The following SEZ6L variants were observed in gnomAD, a reference collection of about 807,000 sequenced individuals.
The protein encoded by SEZ6L is seizure 6-like protein.
Under a neutral mutation model 106.2 loss-of-function variants are expected in SEZ6L, and 37 were observed. The observed-to-expected ratio is 0.35, with a 90% CI of 0.27 to 0.46. The LOEUF (loss-of-function observed/expected upper bound fraction) is 0.46. Among genes scored for constraint, SEZ6L ranks in the 20% least tolerant of loss-of-function variants. The pLI is 1.00. For synonymous variants in SEZ6L, 541 were observed against 570.4 expected (o/e 0.95, Z 0.73); for missense variants, 1,172 against 1,332.8 (o/e 0.88, Z 1.88).
Position 26,240,092 on chromosome 22 carries a change from TCACA to T in SEZ6L, c.95-52288_95-52285del, listed in dbSNP as rs1556193806. 2.5e-3 allele frequency among the ~76,000 whole-genome samples: 286 copies of T among 116,188 alleles called. 2 individuals are homozygous for T. The highest frequency in any genetic ancestry group is 7.3e-3 in the African/African-American group (194 of 26,454). The allele number at this position is 116,188 out of a possible 152,430, so 76.2% of individuals were successfully genotyped here. ...GACACACACACACACACACACACAC[TCACA>T]CACACACACACACACACACACACAC... is the stretch of plus-strand genomic sequence containing the variant. On this transcript the variant is annotated intron_variant, in intron 1 of 16. Transcript: ENST00000248933.
At chr22:26,248,591 G>T (rs965716192) in intron 1 of SEZ6L, among the ~76,000 whole-genome samples, 2 of 152,170 alleles carry the variant, frequency 1.3e-5, no homozygotes, top group Admixed American at 6.5e-5. Flanking sequence ...CTGGCACAAG[G>T]TTGCCCAGCC....
intron 9 of SEZ6L, among the ~76,000 whole-genome samples, chr22:26,328,210 G>T (rs2082379187): frequency 1.3e-5 from 2 of 152,336 alleles, no homozygotes; most frequent in Admixed American, 6.5e-5. Flanking sequence ...AGGTCAGAAA[G>T]GTGGCAGCAT....
chr22:26,265,941 A>G (rs988329566), intron 1 of SEZ6L, among the ~76,000 whole-genome samples: 1 of 152,200 alleles, frequency 6.6e-6, no homozygotes, highest in African/African-American at 2.4e-5. Context: ...AGGAGCTCCC[A>G]GTCTGATGGG....
intron 13 of SEZ6L, among the ~76,000 whole-genome samples, chr22:26,365,857 C>T (rs534083339): frequency 2.6e-5 from 4 of 151,832 alleles, no homozygotes; most frequent in South Asian, 4.2e-4. Context: ...CCGGACAGAA[C>T]GAGACTCTAT....
At chr22:26,271,518 G>T (rs992922287) in intron 1 of SEZ6L, among the ~76,000 whole-genome samples, 3 of 152,144 alleles carry the variant, frequency 2.0e-5, no homozygotes, top group Non-Finnish European at 4.4e-5. Flanking sequence ...TCATGGGAGC[G>T]GATCCCCCCT....
intron 9 of SEZ6L, among the ~76,000 whole-genome samples, chr22:26,337,613 A>G (rs1434602791): frequency 1.3e-5 from 2 of 152,138 alleles, no homozygotes; most frequent in African/African-American, 4.8e-5. Flanking sequence ...GCATTTATTG[A>G]GCACCTACTG....
At chr22:26,238,941 G>A (rs2079031083) in intron 1 of SEZ6L, among the ~76,000 whole-genome samples, 2 of 152,196 alleles carry the variant, frequency 1.3e-5, no homozygotes, top group South Asian at 4.1e-4. Flanking sequence ...GTGTAACTGG[G>A]CCTCTACATA....
intron 8 of SEZ6L, among the ~76,000 whole-genome samples, chr22:26,313,133 C>T (rs1426092550): frequency 3.3e-5 from 5 of 152,230 alleles, no homozygotes; most frequent in Admixed American, 1.3e-4. Flanking sequence ...GGGCACCTGC[C>T]GCAGCCACAT....
intron 10 of SEZ6L, among the ~76,000 whole-genome samples, chr22:26,347,433 C>T (rs1394047975): frequency 6.6e-6 from 1 of 151,966 alleles, no homozygotes; most frequent in African/African-American, 2.4e-5. Context: ...GATTGTCCCC[C>T]CGTCACACCG....
chr22:26,310,561 G>T, intron 6 of SEZ6L, 109 bp from the exon 7 acceptor site: 1 of 1,201,484 alleles, frequency 8.3e-7, no homozygotes, highest in Non-Finnish European at 1.2e-6. Context: ...AGTTAGGTTT[G>T]GGATCCGGTA....
intron 8 of SEZ6L, 117 bp downstream of exon 8, chr22:26,312,079 T>C (rs775624993): frequency 3.9e-6 from 4 of 1,016,430 alleles, no homozygotes; most frequent in Non-Finnish European, 5.7e-6. Context: ...ACTTTAGGAT[T>C]AGAACCCTTT....
intron 12 of SEZ6L, among the ~76,000 whole-genome samples, chr22:26,355,634 G>C (rs2083414857): frequency 6.6e-6 from 1 of 152,222 alleles, no homozygotes; most frequent in South Asian, 2.1e-4. Context: ...GGAGGCCGAG[G>C]CAGGAAAATC....
In SEZ6L at chr22:26,378,829, G is replaced by T. The variant is rs141443011; in HGVS notation, c.3045+1054G>T. On this transcript the variant is annotated intron_variant, in intron 16 of 16. Coordinates refer to ENST00000248933, the MANE Select transcript of SEZ6L (RefSeq NM_021115.5). ...CCCAACGTTTGGGGGGAATAAACCT[G>T]ACTTGTTTCTTATCCTGCTAACCTT... Among the ~76,000 whole-genome samples, 3 of 152,280 alleles carry T rather than the reference G, an allele frequency of 2.0e-5. No homozygotes were observed. In the East Asian group the frequency reaches 5.8e-4, roughly 29 times the overall value.
chr22:26,311,002 A>G (rs1046248992), intron 7 of SEZ6L, among the ~76,000 whole-genome samples, 166 bp downstream of exon 7: 2 of 152,222 alleles, frequency 1.3e-5, no homozygotes, highest in African/African-American at 2.4e-5. Context: ...ATTAATAATA[A>G]CAATGCCTAT....
At chr22:26,242,762 G>A (rs2079181721) in intron 1 of SEZ6L, 2 of 152,196 alleles carry the variant, frequency 1.3e-5, no homozygotes, top group Admixed American at 6.5e-5. Flanking sequence ...CTAAAAAAAT[G>A]TTGGTAGAGT....
intron 9 of SEZ6L, among the ~76,000 whole-genome samples, chr22:26,325,515 T>C (rs1487008049): frequency 6.6e-6 from 1 of 152,094 alleles, no homozygotes; most frequent in African/African-American, 2.4e-5. Context: ...GCTTGGTGCC[T>C]GGCATATAGA....
At position 26,351,459 on chromosome 22, in the gene SEZ6L, C is replaced by A. The variant is rs1474059055; in HGVS notation, c.2599+216C>A. Reference sequence around the variant, plus strand: ...TCACGCGTTGCTCTAAGTCTTCTACCAAATTTCACTCTTTCTTCCTCAAGT... The same window carrying A: ...TCACGCGTTGCTCTAAGTCTTCTACAAAATTTCACTCTTTCTTCCTCAAGT... On this transcript the variant is annotated intron_variant, in intron 12 of 16. Coordinates refer to ENST00000248933, the MANE Select transcript of SEZ6L (RefSeq NM_021115.5). The A allele has an allele frequency of 2.9e-5, 14 of 484,038 alleles. 1 individual carries two copies. In the South Asian group the frequency reaches 3.1e-4, roughly 11 times the overall value. 30.0% of individuals were successfully genotyped at this position (484,038 alleles called of 1,614,324 possible).
chr22:26,359,364 A>T (rs2083538473), intron 12 of SEZ6L, among the ~76,000 whole-genome samples: 1 of 152,128 alleles, frequency 6.6e-6, no homozygotes, highest in South Asian at 2.1e-4. Context: ...CAGTTTTCTC[A>T]TCTGTAAAAT....
At chr22:26,368,915 C>T (rs1378009733) in intron 13 of SEZ6L, among the ~76,000 whole-genome samples, 1 of 152,034 alleles carries the variant, frequency 6.6e-6, no homozygotes, top group Admixed American at 6.6e-5. Context: ...GACTTGAACC[C>T]GCATCTCATG....
Sources: allele counts gnomAD v4.1 joint callset (sites outside exome capture counted in the v4.1 genomes callset), GRCh38; gene constraint gnomAD v4.1.1; transcripts MANE v1.5; gene names NCBI Gene and HGNC (gene_info 2026-07-23, HGNC 2026-07-21).